Variants in NAV3 observed in about 807,000 individuals in gnomAD.
The protein encoded by NAV3 is neuron navigator 3, also known as pore membrane and/or filament interacting like protein 1.
In NAV3, 87 loss-of-function variants were observed where a neutral mutation model predicts 244.7. The ratio of observed to expected loss-of-function variants is 0.36; its 90% confidence interval spans 0.30 to 0.42. The LOEUF is 0.42. Ranked by LOEUF, NAV3 falls within the 20% of genes least tolerant of loss-of-function variation. The probability of loss-of-function intolerance (pLI) is 1.00; values close to 1 mark genes in which losing one functional copy is unlikely to be tolerated. For synonymous variants in NAV3, 1,126 were observed against 1,042.2 expected (o/e 1.08, Z -1.55); for missense variants, 2,663 against 2,893.3 (o/e 0.92, Z 1.83).
chr12:77,974,683 G>A (rs2136204490), intron 5 of NAV3, among the ~76,000 whole-genome samples: 1 of 152,242 alleles, frequency 6.6e-6, no homozygotes, highest in Non-Finnish European at 1.5e-5. Flanking sequence ...AAGCAAGTAT[G>A]GGTTGGAGTC....
intron 2 of NAV3, among the ~76,000 whole-genome samples, chr12:77,791,858 A>T (rs1871190906): frequency 6.6e-6 from 1 of 152,254 alleles, no homozygotes; most frequent in Non-Finnish European, 1.5e-5. Flanking sequence ...ACATTCTGTG[A>T]CTTATTATAA....
At chr12:77,685,502 C>CAA (rs1250521826) in intron 2 of NAV3, among the ~76,000 whole-genome samples, 3 of 151,906 alleles carry the variant, frequency 2.0e-5, no homozygotes, top group Non-Finnish European at 4.4e-5. Context: ...CACACACACA[C>CAA]ACACATACCC....
intron 12 of NAV3, among the ~76,000 whole-genome samples, chr12:78,082,978 A>G (rs549785432): frequency 6.6e-6 from 1 of 152,304 alleles, no homozygotes; most frequent in Non-Finnish European, 1.5e-5. Context: ...AGAAATACCT[A>G]TGTTGAAGCC....
intron 5 of NAV3, among the ~76,000 whole-genome samples, chr12:77,974,004 C>A (rs1231777216): frequency 1.3e-5 from 2 of 151,948 alleles, no homozygotes; most frequent in Non-Finnish European, 2.9e-5. Context: ...TAACTGACTG[C>A]ATTTGGAAAC....
chr12:77,805,988 T>C (rs1871959071), intron 2 of NAV3, among the ~76,000 whole-genome samples: 1 of 152,226 alleles, frequency 6.6e-6, no homozygotes, highest in African/African-American at 2.4e-5. Context: ...TGGTAGTTTG[T>C]ATTTCTGTGG....
chr12:77,784,372 T>G (rs1419267969), intron 2 of NAV3, among the ~76,000 whole-genome samples: 1 of 152,146 alleles, frequency 6.6e-6, no homozygotes, highest in East Asian at 1.9e-4. Context: ...CAAAGTCATG[T>G]AGAATGTACA....
intron 2 of NAV3, among the ~76,000 whole-genome samples, chr12:77,608,957 C>G (rs1388369169): frequency 6.6e-6 from 1 of 152,030 alleles, no homozygotes; most frequent in Non-Finnish European, 1.5e-5. Flanking sequence ...GTGATTTTTC[C>G]TGAAAACATA....
intron 2 of NAV3, among the ~76,000 whole-genome samples, chr12:77,579,257 A>G (rs79953636): frequency 0.029 from 4,357 of 152,352 alleles, 85 homozygotes; most frequent in Middle Eastern, 0.085. Context: ...CTGAAGATGG[A>G]CAGAGCTTGC....
At chr12:77,766,625 A>T (rs1869766162) in intron 2 of NAV3, among the ~76,000 whole-genome samples, 1 of 152,064 alleles carries the variant, frequency 6.6e-6, no homozygotes, top group South Asian at 2.1e-4. Context: ...AGTCACTTAA[A>T]TTCTCAACTT....
At chr12:77,632,895 A>G (rs890722792) in intron 2 of NAV3, among the ~76,000 whole-genome samples, 19 of 152,294 alleles carry the variant, frequency 1.2e-4, no homozygotes, top group Admixed American at 7.2e-4. Flanking sequence ...AATCTTTACT[A>G]ATGTTTAGCC....
At chr12:77,644,203 C>T (rs1340048749) in intron 2 of NAV3, among the ~76,000 whole-genome samples, 2 of 151,864 alleles carry the variant, frequency 1.3e-5, no homozygotes, top group African/African-American at 4.8e-5. Flanking sequence ...GAGGTCCCCC[C>T]AAAAAAGAGG....
chr12:78,134,212 C>T (rs1194289138), intron 18 of NAV3, among the ~76,000 whole-genome samples: 1 of 152,172 alleles, frequency 6.6e-6, no homozygotes, highest in Non-Finnish European at 1.5e-5. Context: ...TCGTGTTCAA[C>T]CTTCAATCTT....
At chr12:77,692,847 T>C (rs1875101241) in intron 2 of NAV3, among the ~76,000 whole-genome samples, 1 of 152,134 alleles carries the variant, frequency 6.6e-6, no homozygotes. Context: ...CCAGAAATTA[T>C]AACTACAATA....
At chr12:77,872,847 T>C (rs116971052) in intron 1 of NAV3, among the ~76,000 whole-genome samples, 2,874 of 152,332 alleles carry the variant, frequency 0.019, 36 homozygotes, top group Non-Finnish European at 0.029. Context: ...GTATGCTCTT[T>C]AGAGAATTTG....
At chr12:78,106,721 G>T (rs970637863) in intron 12 of NAV3, among the ~76,000 whole-genome samples, 6 of 152,108 alleles carry the variant, frequency 3.9e-5, no homozygotes, top group Non-Finnish European at 8.8e-5. Context: ...CACTGCTGCA[G>T]CTACCAGCAT....
chr12:77,619,115 A>G (rs1301709973), intron 2 of NAV3, among the ~76,000 whole-genome samples: 1 of 152,206 alleles, frequency 6.6e-6, no homozygotes, highest in Non-Finnish European at 1.5e-5. Flanking sequence ...TTCTTCTTTC[A>G]TAAAAGCATT....
rs1184801539 is a variant in NAV3, at chr12:78,185,627, G to A, written c.5719G>A (p.Ala1907Thr). ...TATTTTGCTAGATGATGCTGGTGAT[G>A]CAACTGGACATAAAGATGGCCGCAG... ...SDILLDDAGD[A>T]TGHKDGRSVK... Residue 1907 changes from alanine to threonine, a missense_variant, in exon 31 of 40, where the codon GCA becomes ACA. Transcript: ENST00000397909. The A allele has an allele frequency of 6.2e-7, 1 of 1,608,356 alleles. No individual in the cohort carries two copies. Among genetic ancestry groups the A allele is most frequent in the Non-Finnish European group, 8.5e-7 (1 of 1,177,262 alleles).
At chr12:77,798,854 G>A (rs762230276) in intron 2 of NAV3, among the ~76,000 whole-genome samples, 13 of 152,124 alleles carry the variant, frequency 8.5e-5, no homozygotes, top group Non-Finnish European at 1.3e-4. Flanking sequence ...ACCCAAATGA[G>A]TAATTTAGAA....
chr12:77,693,060 TAGAA>T (rs1283571827), intron 2 of NAV3, among the ~76,000 whole-genome samples: 6 of 151,820 alleles, frequency 4.0e-5, no homozygotes, highest in African/African-American at 1.5e-4. Context: ...CTCCAAAAAA[TAGAA>T]AGAAAGCCAA....
Sources: gnomAD v4.1 joint callset for allele counts (sites outside exome capture counted in the v4.1 genomes callset) on GRCh38, gnomAD v4.1.1 for gene constraint, MANE v1.5 for transcripts, NCBI Gene and HGNC (gene_info 2026-07-23, HGNC 2026-07-21) for gene names.